PRELID2: variants seen among roughly 807,000 people sequenced by gnomAD.
PRELID2 encodes the protein PRELI domain containing 2, also known as PRELI domain-containing protein 2.
In PRELID2, 25 loss-of-function variants were observed where a neutral mutation model predicts 28.4. The observed-to-expected ratio is 0.88, with a 90% CI of 0.64 to 1.23. The LOEUF is 1.23. Among genes scored for constraint, PRELID2 ranks in the 50% most tolerant of loss-of-function variants. The probability of loss-of-function intolerance (pLI) is 0.00; values close to 1 mark genes in which losing one functional copy is unlikely to be tolerated. For missense variants in PRELID2, 201 were observed against 214.4 expected (o/e 0.94, Z 0.39); for synonymous variants, 76 against 71.6 (o/e 1.06, Z -0.31).
At chr5:145,297,230 C>T in the PRELID2 span, among the ~76,000 whole-genome samples, 3 of 151,868 alleles carry the variant, frequency 2.0e-5, no homozygotes, top group Non-Finnish European at 2.9e-5. Context: ...GCTTTTGTTG[C>T]CATTGCTTTT....
chr5:145,445,348 C>T, the PRELID2 span, among the ~76,000 whole-genome samples: 2 of 151,874 alleles, frequency 1.3e-5, no homozygotes, highest in East Asian at 3.9e-4. Context: ...AAAACTATAC[C>T]CCCACTTCTC....
the PRELID2 span, among the ~76,000 whole-genome samples, chr5:145,339,430 C>A: frequency 6.6e-6 from 1 of 152,108 alleles, no homozygotes; most frequent in South Asian, 2.1e-4. Flanking sequence ...TGAGAGAACC[C>A]CTTGACCCAC....
At chr5:145,413,611 TACAC>T in the PRELID2 span, among the ~76,000 whole-genome samples, 18,573 of 139,964 alleles carry the variant, frequency 0.13, 1,227 homozygotes, top group African/African-American at 0.18. Flanking sequence ...ATGAAGAAAA[TACAC>T]ACACACACAC....
the PRELID2 span, among the ~76,000 whole-genome samples, chr5:145,328,661 G>T: frequency 1.3e-5 from 2 of 151,104 alleles, no homozygotes; most frequent in African/African-American, 4.9e-5. Flanking sequence ...GTTCCTTGTA[G>T]ATTCTCGGTA....
the PRELID2 span, among the ~76,000 whole-genome samples, chr5:145,418,115 A>G: frequency 6.6e-6 from 1 of 152,234 alleles, no homozygotes; most frequent in Non-Finnish European, 1.5e-5. Flanking sequence ...GCAAGAGCCA[A>G]ATCATGAATG....
chr5:145,595,099 G>T (rs1007683458), intron 1 of PRELID2, among the ~76,000 whole-genome samples: 8 of 150,588 alleles, frequency 5.3e-5, no homozygotes, highest in Non-Finnish European at 8.8e-5. Flanking sequence ...CTGCACTCCA[G>T]CCTGGGCGAC....
chr5:145,439,224 T>A, the PRELID2 span, among the ~76,000 whole-genome samples: 1 of 152,096 alleles, frequency 6.6e-6, no homozygotes, highest in Non-Finnish European at 1.5e-5. Flanking sequence ...AAAGAATTGG[T>A]TGCCAACATT....
intron 1 of PRELID2, among the ~76,000 whole-genome samples, chr5:145,620,555 C>G (rs186442550): frequency 6.6e-6 from 1 of 152,142 alleles, no homozygotes; most frequent in Non-Finnish European, 1.5e-5. Context: ...AAATATAAAA[C>G]TTCTCTAAAA....
chr5:145,549,092 G>T (rs1307007110), intron 1 of PRELID2, among the ~76,000 whole-genome samples: 2 of 152,092 alleles, frequency 1.3e-5, no homozygotes, highest in African/African-American at 4.8e-5. Flanking sequence ...AGAAAGTCCT[G>T]AGCTCCCCTA....
intron 1 of PRELID2, among the ~76,000 whole-genome samples, chr5:145,644,977 A>G (rs932578480): frequency 2.0e-5 from 3 of 152,252 alleles, no homozygotes; most frequent in African/African-American, 4.8e-5. Flanking sequence ...GGTGCTAAAA[A>G]GAATGTATAT....
At chr5:145,309,243 A>T in the PRELID2 span, among the ~76,000 whole-genome samples, 1 of 152,204 alleles carries the variant, frequency 6.6e-6, no homozygotes, top group Non-Finnish European at 1.5e-5. Context: ...GGTGTTCTTG[A>T]AGCTCAAAAG....
chr5:145,230,004 C>G, the PRELID2 span: 1 of 730,610 alleles, frequency 1.4e-6, no homozygotes, highest in South Asian at 1.4e-5. Context: ...CATCAACTCC[C>G]TCAGACTGAA....
At chr5:145,800,423 A>G (rs1753058883) in intron 4 of PRELID2, among the ~76,000 whole-genome samples, 1 of 152,040 alleles carries the variant, frequency 6.6e-6, no homozygotes, top group Non-Finnish European at 1.5e-5. Context: ...TGATTTGCTC[A>G]TGTAAAACTA....
the PRELID2 span, among the ~76,000 whole-genome samples, chr5:145,253,388 C>A: frequency 6.6e-6 from 1 of 152,146 alleles, no homozygotes; most frequent in East Asian, 1.9e-4. Flanking sequence ...AGTATCAGAC[C>A]TATTTTATAG....
At chr5:145,281,863 G>A in the PRELID2 span, among the ~76,000 whole-genome samples, 102 of 152,234 alleles carry the variant, frequency 6.7e-4, no homozygotes, top group African/African-American at 2.4e-3. Flanking sequence ...TATTTTTTAA[G>A]TCCATTGGCT....
chr5:145,347,165 A>C, the PRELID2 span, among the ~76,000 whole-genome samples: 1 of 152,186 alleles, frequency 6.6e-6, no homozygotes, highest in Non-Finnish European at 1.5e-5. Flanking sequence ...ACAGAAGGTC[A>C]GTGCATGTTT....
chr5:145,485,134 T>G (rs1177535601), intron 1 of PRELID2, among the ~76,000 whole-genome samples: 2 of 152,160 alleles, frequency 1.3e-5, no homozygotes, highest in African/African-American at 4.8e-5. Flanking sequence ...TACAAGATAA[T>G]AAAACTAAAA....
At chr5:145,750,840 T>C (rs1353154566) in intron 1 of PRELID2, among the ~76,000 whole-genome samples, 1 of 152,152 alleles carries the variant, frequency 6.6e-6, no homozygotes, top group Non-Finnish European at 1.5e-5. Flanking sequence ...ATTACAAGAA[T>C]CAAGAATCAC....
chr5:145,595,283 T>C (rs1333451732), intron 1 of PRELID2, among the ~76,000 whole-genome samples: 1 of 152,052 alleles, frequency 6.6e-6, no homozygotes, highest in Non-Finnish European at 1.5e-5. Flanking sequence ...CTATTTATTT[T>C]TTTGGCACGG....
Sources: gnomAD v4.1 joint callset for allele counts (sites outside exome capture counted in the v4.1 genomes callset) on GRCh38, gnomAD v4.1.1 for gene constraint, MANE v1.5 for transcripts, NCBI Gene and HGNC (gene_info 2026-07-23, HGNC 2026-07-21) for gene names.